The following ALX4 variants were observed in gnomAD, a reference collection of about 807,000 sequenced individuals.
The protein encoded by ALX4 is homeobox protein aristaless-like 4.
ALX4 carries 22 observed loss-of-function variants against 40.6 expected under a neutral mutation model. The observed-to-expected ratio is 0.54, with a 90% CI of 0.39 to 0.77. ALX4 has a LOEUF of 0.77. Ranked by LOEUF, ALX4 falls within the 30% of genes least tolerant of loss-of-function variation. The pLI is 0.00. For missense variants in ALX4, 556 were observed against 564.8 expected, an observed-to-expected ratio of 0.98 and a Z score of 0.16; for synonymous variants, 266 against 240.5, an observed-to-expected ratio of 1.11 and a Z score of -0.98.
intron 1 of ALX4, among the ~76,000 whole-genome samples, chr11:44,281,257 A>G (rs1956308371): frequency 6.6e-6 from 1 of 151,878 alleles, no homozygotes; most frequent in Admixed American, 6.6e-5. Flanking sequence ...GGTGTGGGGA[A>G]CATATGTGTA....
At position 44,275,387 on chromosome 11, in the gene ALX4, C is replaced by A; in HGVS notation, c.738G>T (p.Gln246His). The change falls in exon 2 of 4, where the codon CAG (glutamine) becomes CAT (histidine). Residue 246 changes from glutamine (Q) to histidine (H), a missense_variant. Gln to His is a conservative substitution (Grantham distance 24). Transcript: ENST00000652299. ...THYPDVYARE[Q>H]LAMRTDLTEA... Reference sequence around the variant, plus strand: ...CAGTGAGGTCTGTCCTCATGGCCAGCTGTTCCCGCGCATACACGTCTGGGT... The same window carrying A: ...CAGTGAGGTCTGTCCTCATGGCCAGATGTTCCCGCGCATACACGTCTGGGT... The A allele has an allele frequency of 6.2e-7, 1 of 1,614,232 alleles. No homozygotes were observed. The highest frequency in any genetic ancestry group is 2.2e-5 in the East Asian group (1 of 44,878).
At chr11:44,276,361 T>C (rs1161357918) in intron 1 of ALX4, among the ~76,000 whole-genome samples, 2 of 136,372 alleles carry the variant, frequency 1.5e-5, no homozygotes, top group Non-Finnish European at 3.2e-5. Flanking sequence ...TCCTGCCCAC[T>C]GTTTACTGAG....
At chr11:44,278,073 C>A (rs1331750895) in intron 1 of ALX4, among the ~76,000 whole-genome samples, 1 of 150,388 alleles carries the variant, frequency 6.6e-6, no homozygotes, top group Non-Finnish European at 1.5e-5. Flanking sequence ...CCCTGTTTTG[C>A]AACTTCCTGG....
chr11:44,301,551 C>T (rs759695894), intron 1 of ALX4, among the ~76,000 whole-genome samples: 10 of 152,198 alleles, frequency 6.6e-5, no homozygotes, highest in Non-Finnish European at 1.5e-4. Flanking sequence ...GAGCTCATGG[C>T]GGGGTCTGCT....
intron 1 of ALX4, among the ~76,000 whole-genome samples, chr11:44,301,613 C>A (rs1282663026): frequency 6.6e-6 from 1 of 152,182 alleles, no homozygotes; most frequent in Non-Finnish European, 1.5e-5. Context: ...CTATTTGATG[C>A]ACAGAGAGAG....
At position 44,275,732 on chromosome 11, in the gene ALX4, T is replaced by TGGG; in HGVS notation, c.467-77_467-75dup. The TGGG allele has an allele frequency of 2.0e-6, 3 of 1,471,610 alleles. No homozygotes were observed. The Admixed American group carries it at 5.9e-5, about 29-fold the overall frequency. The allele number at this position is 1,471,610 out of a possible 1,614,324, so 91.2% of individuals were successfully genotyped here. The stretch of plus-strand genomic sequence containing the variant: ...GAGAAGGGGAATGTCAGGGGGAGAG[T>TGGG]GGGGCACTCGGGTAGCCACCCCCTG... On this transcript the variant is annotated intron_variant, in intron 1 of 3. Transcript: ENST00000652299.
chr11:44,286,959 G>A (rs556768293), intron 1 of ALX4, among the ~76,000 whole-genome samples: 110 of 152,286 alleles, frequency 7.2e-4, no homozygotes, highest in African/African-American at 2.3e-3. Context: ...AGAGGGTGGC[G>A]CACAGTGGGT....
At chr11:44,290,982 G>A (rs954787937) in intron 1 of ALX4, among the ~76,000 whole-genome samples, 2 of 152,150 alleles carry the variant, frequency 1.3e-5, no homozygotes, top group African/African-American at 4.8e-5. Context: ...CCAGGGCAAC[G>A]TTGCTCAGCC....
chr11:44,285,876 G>A (rs1295099239), intron 1 of ALX4, among the ~76,000 whole-genome samples: 1 of 152,186 alleles, frequency 6.6e-6, no homozygotes. Context: ...CCTAGACTGT[G>A]AGCTGGTCAG....
chr11:44,299,137 C>T (rs1283689495), intron 1 of ALX4, among the ~76,000 whole-genome samples: 1 of 152,194 alleles, frequency 6.6e-6, no homozygotes, highest in Non-Finnish European at 1.5e-5. Context: ...GTTCCTGAAA[C>T]TTCTGGAAAC....
chr11:44,299,817 G>C (rs1474042201), intron 1 of ALX4, among the ~76,000 whole-genome samples: 2 of 152,158 alleles, frequency 1.3e-5, no homozygotes, highest in Non-Finnish European at 2.9e-5. Context: ...CTTCCTGGCT[G>C]TCTCACTGTG....
chr11:44,284,869 A>T (rs966385287), intron 1 of ALX4, among the ~76,000 whole-genome samples: 6 of 151,790 alleles, frequency 4.0e-5, no homozygotes, highest in Non-Finnish European at 7.4e-5. Flanking sequence ...ATGGAAGATT[A>T]AAAAAAAATC....
rs200169828 is a variant in ALX4 at position 44,267,631 on chromosome 11, C to A, written c.778-9G>T. 1 of 1,613,992 alleles carries A rather than the reference C, an allele frequency of 6.2e-7. No individual in the cohort carries two copies. The highest frequency in any genetic ancestry group is 1.3e-5 in the African/African-American group (1 of 74,916). On this transcript the variant is annotated splice_polypyrimidine_tract_variant and intron_variant, in intron 2 of 3. Transcript: ENST00000652299. Reference sequence around the variant, plus strand: ...CGGTTCTGGAACCAGACCTACAAGACGCGAAAAAGCCATTGTCACCAGGGT... The same window carrying A: ...CGGTTCTGGAACCAGACCTACAAGAAGCGAAAAAGCCATTGTCACCAGGGT...
Position 44,309,835 on chromosome 11 carries a change from G to T in ALX4, c.228C>A (p.Pro76=). The T allele has an allele frequency of 6.4e-7, 1 of 1,555,454 alleles. No individual in the cohort carries two copies. Among genetic ancestry groups the T allele is most frequent in the East Asian group, 2.4e-5 (1 of 41,238 alleles). ...YGAGQQDLAT[P]LESGAGARGS... ...CCCGCGCCCCAGCTCCACTCTCCAG[G>T]GGTGTCGCCAGGTCCTGCTGCCCAG... Residue 76 remains proline (P), a synonymous_variant, in exon 1 of 4, where the codon CCC becomes CCA. Coordinates refer to ENST00000652299, the MANE Select transcript of ALX4 (RefSeq NM_021926.4).
At position 44,261,411 on chromosome 11, in the gene ALX4, C is replaced by A. The variant is rs1956181644; in HGVS notation, c.*3443G>T. 6.6e-6 allele frequency: 1 copy of A among 152,226 alleles called. No individual in the cohort carries two copies. The highest frequency in any genetic ancestry group is 2.1e-4 in the South Asian group (1 of 4,832). The allele number at this position is 152,226 out of a possible 1,614,324, so 9.4% of individuals were successfully genotyped here. A position where few individuals can be genotyped will look rare whatever the true frequency, so the allele number is the denominator to read the frequency against. On this transcript the variant is annotated 3_prime_UTR_variant, in exon 4 of 4. Coordinates refer to ENST00000652299, the MANE Select transcript of ALX4 (RefSeq NM_021926.4). The stretch of plus-strand genomic sequence containing the variant: ...GGGGACCCACCCCACACTTGCTGCA[C>A]CTACCCCATCGCAGTGTCTTTGAGC...
intron 1 of ALX4, among the ~76,000 whole-genome samples, chr11:44,290,658 C>T (rs564169421): frequency 2.7e-4 from 41 of 152,264 alleles, no homozygotes; most frequent in Non-Finnish European, 5.4e-4. Flanking sequence ...TAGGGAATGC[C>T]AGTTTTCCCC....
chr11:44,266,379 G>C lies in ALX4; in HGVS notation c.906+1115C>G, dbSNP rs530013133. On this transcript the variant is annotated intron_variant, in intron 3 of 3. Coordinates refer to ENST00000652299, the MANE Select transcript of ALX4 (RefSeq NM_021926.4). ...AGTTTAGGGAGGGAGAGGGGAGAAA[G>C]AGAATGGAAGAACATAGTGCGAGCT... Among the ~76,000 whole-genome samples the C allele has an allele frequency of 7.2e-5, 11 of 152,268 alleles. 1 individual carries two copies. The highest frequency in any genetic ancestry group is 2.6e-4 in the African/African-American group (11 of 41,562).
At chr11:44,306,073 G>T (rs1956466016) in intron 1 of ALX4, among the ~76,000 whole-genome samples, 1 of 152,218 alleles carries the variant, frequency 6.6e-6, no homozygotes, top group African/African-American at 2.4e-5. Context: ...GCCCGCCCTG[G>T]ACTCGGGCAA....
At chr11:44,282,059 C>A (rs1009674412) in intron 1 of ALX4, among the ~76,000 whole-genome samples, 17 of 152,136 alleles carry the variant, frequency 1.1e-4, no homozygotes. Context: ...GGCCAAGGAA[C>A]CATGAGGACT....
Sources: gnomAD v4.1 joint callset for allele counts (sites outside exome capture counted in the v4.1 genomes callset) on GRCh38, gnomAD v4.1.1 for gene constraint, MANE v1.5 for transcripts, NCBI Gene and HGNC (gene_info 2026-07-23, HGNC 2026-07-21) for gene names.